The following SORCS3 variants were observed in gnomAD, a reference collection of about 807,000 sequenced individuals.
The protein encoded by SORCS3 is sortilin related VPS10 domain containing receptor 3, also known as VPS10 domain-containing receptor SorCS3.
A neutral mutation model predicts 146.3 loss-of-function variants in SORCS3; 57 were observed. The ratio of observed to expected loss-of-function variants is 0.39; its 90% CI spans 0.31 to 0.49. The LOEUF (loss-of-function observed/expected upper bound fraction) is 0.49, where lower values mean the gene tolerates loss of function less well. Among genes scored for constraint, SORCS3 ranks in the 20% least tolerant of loss-of-function variants. The pLI is 0.92. For synonymous variants in SORCS3, 653 were observed against 618.5 expected, an observed-to-expected ratio of 1.06 and a Z score of -0.83; for missense variants, 1,341 against 1,575.5, an observed-to-expected ratio of 0.85 and a Z score of 2.52.
At chr10:105,074,812 C>T (rs1247048315) in intron 5 of SORCS3, among the ~76,000 whole-genome samples, 1 of 151,584 alleles carries the variant, frequency 6.6e-6, no homozygotes, top group Non-Finnish European at 1.5e-5. Context: ...GGTCTGTCTA[C>T]ACCAATATCA....
chr10:104,719,293 C>T (rs888830812), intron 1 of SORCS3, among the ~76,000 whole-genome samples: 3 of 152,016 alleles, frequency 2.0e-5, no homozygotes, highest in African/African-American at 7.3e-5. Flanking sequence ...ATAAGCATAC[C>T]CTGGTTTTGC....
chr10:105,216,051 G>A (rs1010828421), intron 18 of SORCS3, among the ~76,000 whole-genome samples: 1 of 151,908 alleles, frequency 6.6e-6, no homozygotes, highest in African/African-American at 2.4e-5. Context: ...GTTGGCTTGG[G>A]GTGGTGAGAT....
At chr10:104,664,363 A>T (rs888811495) in intron 1 of SORCS3, among the ~76,000 whole-genome samples, 20 of 152,240 alleles carry the variant, frequency 1.3e-4, no homozygotes, top group Admixed American at 1.3e-3. Flanking sequence ...GACGTGTAAC[A>T]CATTTCCGTT....
At chr10:104,832,804 A>G (rs1420852229) in intron 1 of SORCS3, among the ~76,000 whole-genome samples, 1 of 152,246 alleles carries the variant, frequency 6.6e-6, no homozygotes, top group African/African-American at 2.4e-5. Context: ...CTTGGGAAGC[A>G]ATACTTCTCT....
intron 1 of SORCS3, among the ~76,000 whole-genome samples, chr10:104,712,999 G>T (rs1048553067): frequency 6.6e-6 from 1 of 152,106 alleles, no homozygotes; most frequent in Non-Finnish European, 1.5e-5. Flanking sequence ...CAGATAAACA[G>T]GATTTAAAGT....
At chr10:105,216,130 A>AC (rs1328283605) in intron 18 of SORCS3, among the ~76,000 whole-genome samples, 1 of 152,132 alleles carries the variant, frequency 6.6e-6, no homozygotes, top group Admixed American at 6.5e-5. Context: ...AGAGACAGAG[A>AC]TATCTGTGAA....
chr10:104,959,945 G>A (rs2054783230), intron 3 of SORCS3, among the ~76,000 whole-genome samples: 1 of 152,128 alleles, frequency 6.6e-6, no homozygotes, highest in Non-Finnish European at 1.5e-5. Flanking sequence ...TGGGTGAACG[G>A]ACTCTAAGGC....
At chr10:105,124,216 A>T (rs1374459447) in intron 7 of SORCS3, among the ~76,000 whole-genome samples, 1 of 152,228 alleles carries the variant, frequency 6.6e-6, no homozygotes, top group African/African-American at 2.4e-5. Context: ...CTGTACAAGC[A>T]CTTGGTCTGG....
At chr10:104,811,066 A>T (rs2017735244) in intron 1 of SORCS3, among the ~76,000 whole-genome samples, 1 of 152,258 alleles carries the variant, frequency 6.6e-6, no homozygotes. Context: ...AAATCCAGGG[A>T]AAGAGATAAG....
At chr10:104,909,771 G>A (rs1005539705) in intron 2 of SORCS3, among the ~76,000 whole-genome samples, 1 of 150,130 alleles carries the variant, frequency 6.7e-6, no homozygotes, top group Non-Finnish European at 1.5e-5. Flanking sequence ...TGGCTGCATC[G>A]ACTGGATGTC....
chr10:104,923,793 C>T (rs1484743788), intron 3 of SORCS3, among the ~76,000 whole-genome samples: 1 of 152,150 alleles, frequency 6.6e-6, no homozygotes, highest in Non-Finnish European at 1.5e-5. Flanking sequence ...GCATAATAAC[C>T]TGTCTGTTAA....
At chr10:104,973,294 G>T (rs1002719488) in intron 3 of SORCS3, among the ~76,000 whole-genome samples, 6 of 150,884 alleles carry the variant, frequency 4.0e-5, no homozygotes, top group Non-Finnish European at 6.0e-5. Context: ...TTGTACCTCT[G>T]GTAGAATTCG....
At chr10:105,238,672 T>C (rs1363771534) in intron 20 of SORCS3, among the ~76,000 whole-genome samples, 1 of 152,208 alleles carries the variant, frequency 6.6e-6, no homozygotes, top group Non-Finnish European at 1.5e-5. Flanking sequence ...AAAATTCTGA[T>C]TTAGGGCAGC....
chr10:104,772,689 C>A (rs1440764233), intron 1 of SORCS3, among the ~76,000 whole-genome samples: 1 of 152,168 alleles, frequency 6.6e-6, no homozygotes, highest in Non-Finnish European at 1.5e-5. Flanking sequence ...ATCACAGTAC[C>A]TTTGTTCTCT....
At chr10:104,798,789 C>A (rs1288006227) in intron 1 of SORCS3, among the ~76,000 whole-genome samples, 2 of 151,868 alleles carry the variant, frequency 1.3e-5, no homozygotes, top group African/African-American at 4.8e-5. Context: ...AAAATTTTTG[C>A]AATCTATCCA....
chr10:105,110,630 G>A (rs1182557356), intron 7 of SORCS3, among the ~76,000 whole-genome samples: 1 of 151,910 alleles, frequency 6.6e-6, no homozygotes, highest in Non-Finnish European at 1.5e-5. Context: ...CTGTGAGTGG[G>A]TCCTTCTGAT....
chr10:104,846,700 G>A (rs753719609), intron 2 of SORCS3, among the ~76,000 whole-genome samples: 7 of 152,176 alleles, frequency 4.6e-5, no homozygotes, highest in Admixed American at 6.5e-5. Flanking sequence ...TACTGGTGGT[G>A]GCCAAGGTTA....
chr10:104,673,124 C>T (rs1419744200), intron 1 of SORCS3, among the ~76,000 whole-genome samples: 1 of 151,982 alleles, frequency 6.6e-6, no homozygotes, highest in East Asian at 1.9e-4. Flanking sequence ...CATCTTTTGA[C>T]TTCCAGTGTG....
At chr10:104,784,186 T>C (rs2017406228) in intron 1 of SORCS3, among the ~76,000 whole-genome samples, 1 of 152,192 alleles carries the variant, frequency 6.6e-6, no homozygotes, top group Non-Finnish European at 1.5e-5. Context: ...TGGGAAACTC[T>C]AGAGCAGTGG....
Sources: allele counts gnomAD v4.1 joint callset (sites outside exome capture counted in the v4.1 genomes callset), GRCh38; gene constraint gnomAD v4.1.1; transcripts MANE v1.5; gene names NCBI Gene and HGNC (gene_info 2026-07-23, HGNC 2026-07-21).